The following TTBK2 variants were observed in gnomAD, a reference collection of about 807,000 sequenced individuals.
The protein encoded by TTBK2 is tau tubulin kinase 2.
A neutral mutation model predicts 110.8 loss-of-function variants in TTBK2; 28 were observed. That is an observed-to-expected ratio of 0.25 (90% CI 0.19 to 0.35). The LOEUF is 0.35. TTBK2 is among the 10% of genes least tolerant of loss of function. TTBK2 has a pLI of 1.00. For missense variants in TTBK2, 1,369 were observed against 1,500.3 expected, an observed-to-expected ratio of 0.91 and a Z score of 1.45; for synonymous variants, 532 against 527.3, an observed-to-expected ratio of 1.01 and a Z score of -0.12.
rs1232524013 is a variant in TTBK2, at chr15:42,753,253, G to A, written c.1999-6C>T. The stretch of plus-strand genomic sequence containing the variant: ...GAAGGTCTAGGAATTGTAATCTGGA[G>A]AAGGGGAAGAAAAAATTAAAATGCA... On this transcript the variant is annotated splice_region_variant and splice_polypyrimidine_tract_variant and intron_variant, in intron 13 of 14. Transcript: ENST00000267890. The A allele has an allele frequency of 1.7e-5, 27 of 1,613,046 alleles. No individual in the cohort carries two copies. The South Asian group carries it at 3.0e-4, about 18-fold the overall frequency.
intron 6 of TTBK2, among the ~76,000 whole-genome samples, chr15:42,820,735 T>C (rs903289153): frequency 2.6e-5 from 4 of 152,014 alleles, no homozygotes; most frequent in Non-Finnish European, 5.9e-5. Flanking sequence ...GCACAGTAGT[T>C]CATGGCTATA....
intron 13 of TTBK2, among the ~76,000 whole-genome samples, chr15:42,768,562 G>A (rs1348678895): frequency 6.6e-6 from 1 of 152,058 alleles, no homozygotes; most frequent in Non-Finnish European, 1.5e-5. Context: ...GGGATATGAA[G>A]GACCTCTTCA....
chr15:42,800,154 G>A (rs1375257091), intron 9 of TTBK2: 6 of 374,684 alleles, frequency 1.6e-5, no homozygotes, highest in African/African-American at 6.5e-5. Flanking sequence ...ATGAGATTCT[G>A]AATAATCTAG....
intron 1 of TTBK2, among the ~76,000 whole-genome samples, chr15:42,886,589 A>C (rs1354579313): frequency 1.3e-5 from 2 of 151,988 alleles, no homozygotes; most frequent in African/African-American, 4.8e-5. Context: ...CATTAGAAAA[A>C]CTCCAAAAAT....
chr15:42,753,476 C>A (rs1468596707), intron 13 of TTBK2, among the ~76,000 whole-genome samples: 1 of 152,292 alleles, frequency 6.6e-6, no homozygotes, highest in East Asian at 1.9e-4. Flanking sequence ...TTTATCCCTG[C>A]CCCTTCTTTG....
At chr15:42,784,442 T>C (rs1890320620) in intron 10 of TTBK2, among the ~76,000 whole-genome samples, 1 of 152,082 alleles carries the variant, frequency 6.6e-6, no homozygotes, top group Admixed American at 6.5e-5. Flanking sequence ...CACACTGGGC[T>C]ATTTTTTGTA....
intron 7 of TTBK2, among the ~76,000 whole-genome samples, chr15:42,813,052 A>G (rs1891790108): frequency 6.6e-6 from 1 of 152,184 alleles, no homozygotes; most frequent in African/African-American, 2.4e-5. Context: ...GAAAAAGAGT[A>G]TAAAGAGAAA....
chr15:42,802,471 T>A, intron 9 of TTBK2: 1 of 644,484 alleles, frequency 1.6e-6, no homozygotes, highest in Non-Finnish European at 2.8e-6. Context: ...CTTCTTGGTC[T>A]GCACACAGTC....
At chr15:42,762,061 T>C (rs1415009871) in intron 13 of TTBK2, among the ~76,000 whole-genome samples, 7 of 152,218 alleles carry the variant, frequency 4.6e-5, no homozygotes, top group Non-Finnish European at 8.8e-5. Flanking sequence ...ATGTAAGATG[T>C]GACTTGCTCC....
intron 3 of TTBK2, among the ~76,000 whole-genome samples, chr15:42,868,140 G>T (rs140402874): frequency 1.3e-5 from 2 of 152,184 alleles, no homozygotes; most frequent in Non-Finnish European, 2.9e-5. Context: ...ACAGTGCACA[G>T]AGGATTTTTA....
intron 13 of TTBK2, among the ~76,000 whole-genome samples, chr15:42,763,117 TACACATATATATACATATATAC>T (rs1328316048): frequency 1.1e-4 from 12 of 108,120 alleles, no homozygotes; most frequent in African/African-American, 4.9e-4. Context: ...TATATATATA[TACACATATATATACATATATAC>T]ATACATATAT....
Position 42,752,036 on chromosome 15 carries a change from C to A in TTBK2, c.3210G>T (p.Ser1070=). The A allele has an allele frequency of 2.5e-6, 4 of 1,614,166 alleles. No individual in the cohort carries two copies. The highest frequency in any genetic ancestry group is 2.7e-5 in the African/African-American group (2 of 75,048). Residue 1070 remains serine, a synonymous_variant, in exon 14 of 15, where the codon TCG becomes TCT. Coordinates refer to ENST00000267890, the MANE Select transcript of TTBK2 (RefSeq NM_173500.4). ...GTGGTGGCCGAGGAAAGAACTGAGA[C>A]GAAGTTGAGCTATTGACCTGATCTG... ...VNTDQVNSST[S]SQFFPRPPPG... is the part of the protein sequence containing the mutation.
chr15:42,835,908 A>G (rs1358297434), intron 4 of TTBK2, among the ~76,000 whole-genome samples: 1 of 152,188 alleles, frequency 6.6e-6, no homozygotes, highest in Non-Finnish European at 1.5e-5. Context: ...AAATTATACT[A>G]TTCTCTCTAC....
At chr15:42,823,079 A>C (rs1276030740) in intron 6 of TTBK2, among the ~76,000 whole-genome samples, 1 of 152,238 alleles carries the variant, frequency 6.6e-6, no homozygotes, top group Non-Finnish European at 1.5e-5. Context: ...TAAATTCTGA[A>C]ATACTAACAG....
intron 1 of TTBK2, among the ~76,000 whole-genome samples, chr15:42,898,534 G>T (rs28380732): frequency 6.7e-6 from 1 of 149,204 alleles, no homozygotes; most frequent in Non-Finnish European, 1.5e-5. Context: ...AAAAGAAAAA[G>T]AAAAAAAAAG....
At chr15:42,827,813 T>C in intron 6 of TTBK2, 115 bp downstream of exon 6, 4 of 833,046 alleles carry the variant, frequency 4.8e-6, no homozygotes, top group East Asian at 2.8e-5. Flanking sequence ...TAAATGTATA[T>C]GCCACTTCTT....
At chr15:42,884,970 C>A (rs1221211482) in intron 1 of TTBK2, among the ~76,000 whole-genome samples, 3 of 152,102 alleles carry the variant, frequency 2.0e-5, no homozygotes, top group Non-Finnish European at 4.4e-5. Context: ...ATTCTTCCCA[C>A]CCTTGAGAAT....
intron 10 of TTBK2, among the ~76,000 whole-genome samples, chr15:42,787,023 G>T (rs1176369874): frequency 6.6e-6 from 1 of 152,182 alleles, no homozygotes; most frequent in Non-Finnish European, 1.5e-5. Context: ...TGGAAGAACT[G>T]AAGAGATATG....
At position 42,907,919 on chromosome 15, in the gene TTBK2, A is replaced by AAT. The variant is rs1567089265; in HGVS notation, c.-68+12518_-68+12519insAT. 8.5e-4 allele frequency among the ~76,000 whole-genome samples: 125 copies of AAT among 147,694 alleles called. 1 individual carries two copies. The highest frequency in any genetic ancestry group is 2.8e-3 in the African/African-American group (110 of 39,692). ...AACCCCATCTCTACAAAAAAAAAAA[A>AAT]AATAATAATAATAATAATTAGCCTG... On this transcript the variant is annotated intron_variant, in intron 1 of 14. Coordinates refer to ENST00000267890, the MANE Select transcript of TTBK2 (RefSeq NM_173500.4).
Sources: allele counts gnomAD v4.1 joint callset (sites outside exome capture counted in the v4.1 genomes callset), GRCh38; gene constraint gnomAD v4.1.1; transcripts MANE v1.5; gene names NCBI Gene and HGNC (gene_info 2026-07-23, HGNC 2026-07-21).